SLC49A4: variants seen among roughly 807,000 people sequenced by gnomAD.
The protein encoded by SLC49A4 is disrupted in renal cancer protein 2.
In SLC49A4, 36 loss-of-function variants were observed where a neutral mutation model predicts 50.6. The ratio of observed to expected loss-of-function variants is 0.71; its 90% CI spans 0.55 to 0.94. SLC49A4 has a LOEUF of 0.94. Among genes scored for constraint, SLC49A4 ranks in the 40% least tolerant of loss-of-function variants. The probability of loss-of-function intolerance (pLI) is 0.00; values close to 1 mark genes in which losing one functional copy is unlikely to be tolerated. For missense variants in SLC49A4, 503 were observed against 605.7 expected (o/e 0.83, Z 1.78); for synonymous variants, 248 against 241.2 (o/e 1.03, Z -0.26).
intron 2 of SLC49A4, among the ~76,000 whole-genome samples, chr3:122,814,476 A>G (rs1469770981): frequency 6.6e-6 from 1 of 152,224 alleles, no homozygotes; most frequent in Non-Finnish European, 1.5e-5. Flanking sequence ...GAATAGAAAA[A>G]TGGACATAGT....
At chr3:122,846,163 C>T (rs539963783) in intron 5 of SLC49A4, among the ~76,000 whole-genome samples, 3 of 152,246 alleles carry the variant, frequency 2.0e-5, no homozygotes, top group African/African-American at 7.2e-5. Flanking sequence ...ATCCTTGCTT[C>T]GTACCTTATA....
intron 2 of SLC49A4, among the ~76,000 whole-genome samples, chr3:122,819,670 C>G (rs1412181494): frequency 6.6e-6 from 1 of 152,202 alleles, no homozygotes. Context: ...ACCACCACCT[C>G]TATTTCTCTT....
chr3:122,821,737 C>T (rs1936455577), intron 2 of SLC49A4, among the ~76,000 whole-genome samples: 1 of 152,218 alleles, frequency 6.6e-6, no homozygotes, highest in Non-Finnish European at 1.5e-5. Flanking sequence ...GTGCTTGAGA[C>T]AGTTATGTCA....
chr3:122,811,777 A>G (rs1056922574), intron 2 of SLC49A4, among the ~76,000 whole-genome samples: 1 of 152,168 alleles, frequency 6.6e-6, no homozygotes, highest in Admixed American at 6.6e-5. Flanking sequence ...TCCAAAATAT[A>G]TTGTTTAGTT....
chr3:122,847,429 G>A (rs945618718), intron 5 of SLC49A4, among the ~76,000 whole-genome samples: 2 of 148,366 alleles, frequency 1.3e-5, no homozygotes, highest in Non-Finnish European at 3.0e-5. Flanking sequence ...CTCACTGCAA[G>A]CTCTGACTCC....
At chr3:122,809,803 AAG>A (rs1160868479) in intron 2 of SLC49A4, among the ~76,000 whole-genome samples, 3 of 152,240 alleles carry the variant, frequency 2.0e-5, no homozygotes, top group East Asian at 1.9e-4. Context: ...CTTTCATAAA[AAG>A]AGTGTATAAA....
At chr3:122,847,232 A>G (rs1936865496) in intron 5 of SLC49A4, among the ~76,000 whole-genome samples, 1 of 152,188 alleles carries the variant, frequency 6.6e-6, no homozygotes, top group Non-Finnish European at 1.5e-5. Context: ...AGGCCTACAC[A>G]TGCTCAAGGT....
At chr3:122,833,127 G>C (rs978586649) in intron 3 of SLC49A4, among the ~76,000 whole-genome samples, 190 bp from the exon 4 acceptor site, 3 of 152,146 alleles carry the variant, frequency 2.0e-5, no homozygotes, top group Non-Finnish European at 4.4e-5. Context: ...TATGGTCCCA[G>C]CTACTTGGGA....
intron 8 of SLC49A4, among the ~76,000 whole-genome samples, chr3:122,877,694 A>G (rs571734431): frequency 1.3e-5 from 2 of 152,260 alleles, no homozygotes; most frequent in Admixed American, 6.5e-5. Flanking sequence ...TTTTAATACA[A>G]ACAAAATGCT....
chr3:122,818,332 G>C (rs1182986236), intron 2 of SLC49A4, among the ~76,000 whole-genome samples: 2 of 152,136 alleles, frequency 1.3e-5, no homozygotes, highest in Non-Finnish European at 2.9e-5. Context: ...AGTATTGATT[G>C]ATCAAGAGAG....
chr3:122,880,947 A>C lies in SLC49A4; in HGVS notation c.*1569A>C, dbSNP rs1243500871. 6.6e-6 allele frequency: 1 copy of C among 152,182 alleles called. No individual in the cohort carries two copies. Among genetic ancestry groups the C allele is most frequent in the Non-Finnish European group, 1.5e-5 (1 of 68,056 alleles). 9.4% of individuals were successfully genotyped at this position (152,182 alleles called of 1,614,324 possible). On this transcript the variant is annotated 3_prime_UTR_variant, in exon 9 of 9. Transcript: ENST00000261038. ...AAGACCCTAACTTGTGAAACTAGGG[A>C]AGTAAGAAACCGTTCAAATTTAACA... is the stretch of plus-strand genomic sequence containing the variant.
chr3:122,863,374 A>G (rs114653755), intron 7 of SLC49A4, among the ~76,000 whole-genome samples: 300 of 152,354 alleles, frequency 2.0e-3, no homozygotes, highest in African/African-American at 6.8e-3. Context: ...TGAATGAATG[A>G]ATGAAGTATA....
intron 4 of SLC49A4, among the ~76,000 whole-genome samples, chr3:122,838,725 AAAG>A (rs1257584814): frequency 6.6e-6 from 1 of 152,106 alleles, no homozygotes; most frequent in Non-Finnish European, 1.5e-5. Flanking sequence ...AATAAAATAA[AAAG>A]AAATCATAGA....
chr3:122,872,882 C>G (rs1177128296), intron 8 of SLC49A4, among the ~76,000 whole-genome samples: 1 of 151,070 alleles, frequency 6.6e-6, no homozygotes. Context: ...TAAAATCCTC[C>G]CCACCCCCAC....
rs1936011741 is a variant in SLC49A4, at chr3:122,795,491, G to A, written c.299G>A (p.Gly100Asp). The A allele has an allele frequency of 6.2e-7, 1 of 1,604,582 alleles. No homozygotes were observed. The change falls in exon 1 of 9, where the codon GGC becomes GAC. Residue 100 changes from glycine (G) to aspartate (D), a missense_variant. Coordinates refer to ENST00000261038, the MANE Select transcript of SLC49A4 (RefSeq NM_032839.3). Reference protein sequence around the residue: ...IALLVLWGPIGFLPCFAFMWL... With the variant: ...IALLVLWGPIDFLPCFAFMWL... ...CTGCTCGTGCTGTGGGGGCCCATCG[G>A]CTTCCTGCCCTGCTTCGCGTTCATG...
rs533636603 is a variant in SLC49A4 at position 122,795,312 on chromosome 3, G to T, written c.120G>T (p.Ala40=). The change falls in exon 1 of 9, where the codon GCG becomes GCT. Residue 40 remains alanine (A), a synonymous_variant. Transcript: ENST00000261038. ...REAAAAALPA[A]VPGPGRVYGR... Reference sequence around the variant, plus strand: ...CGGCGGCGGCGGCGCTGCCCGCGGCGGTCCCGGGTCCCGGGCGGGTATACG... The same window carrying T: ...CGGCGGCGGCGGCGCTGCCCGCGGCTGTCCCGGGTCCCGGGCGGGTATACG... The T allele has an allele frequency of 3.4e-6, 5 of 1,473,966 alleles. No homozygotes were observed. The highest frequency in any genetic ancestry group is 4.4e-6 in the Non-Finnish European group (5 of 1,125,700). The allele number at this position is 1,473,966 out of a possible 1,614,324, so 91.3% of individuals were successfully genotyped here.
intron 1 of SLC49A4, among the ~76,000 whole-genome samples, chr3:122,797,205 CAAG>C (rs72121422): frequency 0.45 from 68,297 of 151,720 alleles, 16,171 homozygotes; most frequent in South Asian, 0.55. Flanking sequence ...GTGTCCAAAA[CAAG>C]AAGCAAAATA....
Position 122,846,020 on chromosome 3 carries a change from T to TA in SLC49A4, c.942+155dup, listed in dbSNP as rs752085607. On this transcript the variant is annotated intron_variant, in intron 5 of 8. Transcript: ENST00000261038. ...AAAAGCAAGATCTTTATGGAATAGG[T>TA]AAAAAATAATGTTGATTTTCCTCCT... 19 of 442,532 alleles carry TA rather than the reference T, an allele frequency of 4.3e-5. 2 individuals carry two copies. Among genetic ancestry groups the TA allele is most frequent in the Admixed American group, 4.3e-5 (1 of 23,416 alleles). 27.4% of individuals were successfully genotyped at this position (442,532 alleles called of 1,614,324 possible). A position where few individuals can be genotyped will look rare whatever the true frequency, so the allele number is the denominator to read the frequency against.
chr3:122,842,485 CAAAAAAAAAAAAAA>C (rs34914829), intron 4 of SLC49A4, among the ~76,000 whole-genome samples: 3 of 58,758 alleles, frequency 5.1e-5, no homozygotes, highest in South Asian at 1.1e-3. Flanking sequence ...GACTCCGTCT[CAAAAAAAAAAAAAA>C]AAAAAAAAAA....
Sources: gnomAD v4.1 joint callset for allele counts (sites outside exome capture counted in the v4.1 genomes callset) on GRCh38, gnomAD v4.1.1 for gene constraint, MANE v1.5 for transcripts, NCBI Gene and HGNC (gene_info 2026-07-23, HGNC 2026-07-21) for gene names.